Variants in ABI3BP observed in about 807,000 individuals in gnomAD.
The protein encoded by ABI3BP is target of Nesh-SH3.
A neutral mutation model predicts 268.6 loss-of-function variants in ABI3BP; 216 were observed. The ratio of observed to expected loss-of-function variants is 0.80; its 90% CI spans 0.72 to 0.90. ABI3BP has a LOEUF of 0.90. Ranked by LOEUF, ABI3BP falls within the 40% of genes least tolerant of loss-of-function variation. ABI3BP has a pLI of 0.00. For synonymous variants in ABI3BP, 730 were observed against 730.0 expected (o/e 1.00, Z 0.00); for missense variants, 2,090 against 2,182.4 (o/e 0.96, Z 0.84).
intron 49 of ABI3BP, among the ~76,000 whole-genome samples, chr3:100,808,610 T>C (rs907933379): frequency 5.3e-5 from 8 of 152,068 alleles, no homozygotes; most frequent in African/African-American, 1.9e-4. Context: ...ACATATGTTT[T>C]CTAAATAAAA....
chr3:100,958,671 C>G (rs2077705776), intron 1 of ABI3BP, among the ~76,000 whole-genome samples: 1 of 152,176 alleles, frequency 6.6e-6, no homozygotes, highest in Non-Finnish European at 1.5e-5. Flanking sequence ...TAAAATTCAT[C>G]AAAGAGCTAA....
At chr3:100,982,331 C>T (rs927444511) in intron 1 of ABI3BP, among the ~76,000 whole-genome samples, 1 of 151,988 alleles carries the variant, frequency 6.6e-6, no homozygotes, top group Non-Finnish European at 1.5e-5. Flanking sequence ...CTGGTCTTCA[C>T]GTTTGTTTAC....
intron 1 of ABI3BP, among the ~76,000 whole-genome samples, chr3:100,974,734 T>C (rs1036185466): frequency 3.3e-5 from 5 of 152,170 alleles, no homozygotes; most frequent in African/African-American, 4.8e-5. Flanking sequence ...AGAAGGGAAC[T>C]TTTATGGTGT....
chr3:100,905,624 C>T (rs1433892983), intron 2 of ABI3BP, among the ~76,000 whole-genome samples: 5 of 151,692 alleles, frequency 3.3e-5, no homozygotes, highest in Non-Finnish European at 5.9e-5. Flanking sequence ...GTGAAATAAA[C>T]AGCTGAATTA....
At chr3:100,768,810 C>T (rs1394507545) in intron 62 of ABI3BP, among the ~76,000 whole-genome samples, 2 of 152,200 alleles carry the variant, frequency 1.3e-5, no homozygotes, top group Non-Finnish European at 1.5e-5. Flanking sequence ...TGTCAGCATG[C>T]TCTTGGACTA....
intron 4 of ABI3BP, among the ~76,000 whole-genome samples, chr3:100,890,126 C>T (rs1191708209): frequency 6.6e-6 from 1 of 152,122 alleles, no homozygotes; most frequent in Admixed American, 6.5e-5. Flanking sequence ...AGTCCTTCTA[C>T]GAACTACCCC....
At chr3:100,839,941 A>G in intron 23 of ABI3BP, 131 bp downstream of exon 23, 1 of 698,296 alleles carries the variant, frequency 1.4e-6, no homozygotes, top group Non-Finnish European at 2.4e-6. Context: ...ATAGAAACTG[A>G]GTACAGATGC....
chr3:100,897,740 G>A (rs1243648676), intron 4 of ABI3BP, among the ~76,000 whole-genome samples: 1 of 152,054 alleles, frequency 6.6e-6, no homozygotes, highest in Non-Finnish European at 1.5e-5. Flanking sequence ...AACTCAAACT[G>A]TACACTAATA....
chr3:100,835,175 A>G (rs920994245), intron 28 of ABI3BP, among the ~76,000 whole-genome samples: 1 of 152,186 alleles, frequency 6.6e-6, no homozygotes, highest in Admixed American at 6.6e-5. Flanking sequence ...TAGTATAAAC[A>G]CATTTTGTTT....
At chr3:100,852,384 A>G (rs2098856948) in intron 14 of ABI3BP, among the ~76,000 whole-genome samples, 1 of 152,194 alleles carries the variant, frequency 6.6e-6, no homozygotes, top group African/African-American at 2.4e-5. Flanking sequence ...TACTGTTACA[A>G]TATCTTATGT....
intron 25 of ABI3BP, 55 bp downstream of exon 25, chr3:100,838,347 T>C (rs913166217): frequency 6.5e-7 from 1 of 1,528,298 alleles, no homozygotes; most frequent in African/African-American, 1.4e-5. Context: ...GAGATTAATG[T>C]TACTTACACA....
chr3:100,980,186 TTG>T (rs1428910787), intron 1 of ABI3BP, among the ~76,000 whole-genome samples: 3 of 152,360 alleles, frequency 2.0e-5, no homozygotes, highest in African/African-American at 7.2e-5. Flanking sequence ...CAAAAATTCA[TTG>T]TGTGTCACAC....
intron 9 of ABI3BP, among the ~76,000 whole-genome samples, chr3:100,869,330 G>GTTTTTTTTTTTGTTTTTTTTTTTTTT (rs2099085799): frequency 2.0e-5 from 1 of 49,754 alleles, no homozygotes; most frequent in Non-Finnish European, 3.4e-5. Context: ...CTTCTTTTTG[G>GTTTTTTTTTTTGTTTTTTTTTTTTTT]TTTTTTTTTT....
intron 66 of ABI3BP, among the ~76,000 whole-genome samples, chr3:100,752,312 C>T (rs1377511242): frequency 6.6e-6 from 1 of 152,134 alleles, no homozygotes; most frequent in Non-Finnish European, 1.5e-5. Context: ...TGAAAAAAAT[C>T]TACTTTTTAA....
intron 1 of ABI3BP, among the ~76,000 whole-genome samples, chr3:100,931,965 A>C (rs1291635632): frequency 6.6e-6 from 1 of 151,848 alleles, no homozygotes; most frequent in Non-Finnish European, 1.5e-5. Context: ...ATACTACAGG[A>C]CCACAGTAAC....
At chr3:100,762,675 T>C (rs904657204) in intron 63 of ABI3BP, among the ~76,000 whole-genome samples, 5 of 152,222 alleles carry the variant, frequency 3.3e-5, no homozygotes, top group African/African-American at 1.2e-4. Context: ...GAGATTTCAA[T>C]ATATTTTAAT....
At chr3:100,884,555 T>G (rs2040974188) in intron 6 of ABI3BP, among the ~76,000 whole-genome samples, 1 of 152,032 alleles carries the variant, frequency 6.6e-6, no homozygotes, top group African/African-American at 2.4e-5. Flanking sequence ...CCCAGTGAAG[T>G]ATATACTACT....
intron 1 of ABI3BP, among the ~76,000 whole-genome samples, chr3:100,928,056 A>T (rs1171318296): frequency 6.6e-6 from 1 of 150,792 alleles, no homozygotes; most frequent in Non-Finnish European, 1.5e-5. Flanking sequence ...GTGACTATTC[A>T]TGTGTTTCAT....
chr3:100,945,506 G>T (rs1191048005), intron 1 of ABI3BP: 3 of 318,782 alleles, frequency 9.4e-6, no homozygotes, highest in Non-Finnish European at 1.8e-5. Flanking sequence ...AAATCTCTCT[G>T]TTCCCACCCT....
Sources: allele counts gnomAD v4.1 joint callset (sites outside exome capture counted in the v4.1 genomes callset), GRCh38; gene constraint gnomAD v4.1.1; transcripts MANE v1.5; gene names NCBI Gene and HGNC (gene_info 2026-07-23, HGNC 2026-07-21).